CNTNAP2: variants seen among roughly 807,000 people sequenced by gnomAD.
CNTNAP2 encodes contactin-associated protein-like 2.
CNTNAP2 carries 98 observed loss-of-function variants against 155.2 expected under a neutral mutation model. That is an observed-to-expected ratio of 0.63 (90% CI 0.54 to 0.75). The LOEUF is 0.75. CNTNAP2 is among the 30% of genes least tolerant of loss of function. CNTNAP2 has a pLI of 0.00. For synonymous variants in CNTNAP2, 651 were observed against 631.2 expected, an observed-to-expected ratio of 1.03 and a Z score of -0.47; for missense variants, 1,727 against 1,688.1, an observed-to-expected ratio of 1.02 and a Z score of -0.40.
intron 13 of CNTNAP2, among the ~76,000 whole-genome samples, chr7:147,692,378 C>G (rs1192580632): frequency 2.4e-4 from 37 of 152,096 alleles, no homozygotes; most frequent in Non-Finnish European, 7.4e-5. Flanking sequence ...CCAAACAACA[C>G]TATTGCTGTA....
chr7:147,525,285 GTGTC>G, intron 11 of CNTNAP2, among the ~76,000 whole-genome samples: 1 of 152,318 alleles, frequency 6.6e-6, no homozygotes, highest in East Asian at 1.9e-4. Flanking sequence ...AATGACATGT[GTGTC>G]TGTATAACAA....
At chr7:146,129,235 T>G (rs1797680320) in intron 1 of CNTNAP2, among the ~76,000 whole-genome samples, 1 of 152,190 alleles carries the variant, frequency 6.6e-6, no homozygotes, top group South Asian at 2.1e-4. Flanking sequence ...TAGAATCATG[T>G]ATCTACTTTC....
chr7:147,246,278 G>C (rs1269753705), intron 8 of CNTNAP2, among the ~76,000 whole-genome samples: 2 of 152,032 alleles, frequency 1.3e-5, no homozygotes, highest in African/African-American at 2.4e-5. Context: ...ATATCCTCTT[G>C]CCTGGGGAGG....
rs142771103 is a variant in CNTNAP2 at position 148,221,735 on chromosome 7, C to T, written c.3247+4211C>T. Among the ~76,000 whole-genome samples, 290 of 152,282 alleles carry T rather than the reference C, an allele frequency of 1.9e-3. 3 individuals carry two copies. Among genetic ancestry groups the T allele is most frequent in the African/African-American group, 6.7e-3 (277 of 41,548 alleles). On this transcript the variant is annotated intron_variant, in intron 19 of 23. Coordinates refer to ENST00000361727, the MANE Select transcript of CNTNAP2 (RefSeq NM_014141.6). ...AGCTCTGCTCACTGTCCTCCAGAAC[C>T]AGCTGCCCCCAGCACCACCACTGCC...
At chr7:147,430,741 T>C (rs1797450895) in intron 10 of CNTNAP2, among the ~76,000 whole-genome samples, 1 of 151,948 alleles carries the variant, frequency 6.6e-6, no homozygotes, top group South Asian at 2.1e-4. Flanking sequence ...CAGAGAAACA[T>C]TCCCAGAGAA....
At chr7:146,744,549 C>A (rs772677334) in intron 1 of CNTNAP2, among the ~76,000 whole-genome samples, 6 of 152,146 alleles carry the variant, frequency 3.9e-5, no homozygotes, top group Non-Finnish European at 8.8e-5. Flanking sequence ...TTTCAAGGAG[C>A]AAATTGCTTC....
At chr7:146,828,873 T>C (rs980322873) in intron 2 of CNTNAP2, among the ~76,000 whole-genome samples, 3 of 152,112 alleles carry the variant, frequency 2.0e-5, no homozygotes, top group Non-Finnish European at 4.4e-5. Context: ...TGTTTGTTTT[T>C]ACACTCTGGC....
At chr7:147,530,231 G>A (rs1382862839) in intron 11 of CNTNAP2, among the ~76,000 whole-genome samples, 2 of 146,920 alleles carry the variant, frequency 1.4e-5, no homozygotes, top group Non-Finnish European at 3.0e-5. Context: ...TGCTGCCCAG[G>A]CTGGAGTGCA....
At chr7:147,648,268 T>A (rs1053684925) in intron 13 of CNTNAP2, among the ~76,000 whole-genome samples, 8 of 151,970 alleles carry the variant, frequency 5.3e-5, no homozygotes, top group African/African-American at 1.4e-4. Context: ...AGAATTTGCT[T>A]TGGTAAAGAA....
At chr7:146,621,368 G>A (rs1194792145) in intron 1 of CNTNAP2, among the ~76,000 whole-genome samples, 1 of 152,094 alleles carries the variant, frequency 6.6e-6, no homozygotes, top group Non-Finnish European at 1.5e-5. Flanking sequence ...TGTTCATTGA[G>A]ATTTTCTTAG....
chr7:146,256,607 T>C (rs1263110935), intron 1 of CNTNAP2, among the ~76,000 whole-genome samples: 1 of 151,788 alleles, frequency 6.6e-6, no homozygotes, highest in Admixed American at 6.6e-5. Context: ...AATAACTATA[T>C]GTTAGTATCA....
Position 147,856,306 on chromosome 7 carries a change from G to A in CNTNAP2, c.2099-47259G>A, listed in dbSNP as rs1199706230. ...CATGAGCATTTTCAGCTACTAAGGAGAACTTGAAGAAAAGAAATTGGCCAA... is the reference window on the plus strand; with the variant it reads ...CATGAGCATTTTCAGCTACTAAGGAAAACTTGAAGAAAAGAAATTGGCCAA... On this transcript the variant is annotated intron_variant, in intron 13 of 23. Transcript: ENST00000361727. 3.3e-5 allele frequency among the ~76,000 whole-genome samples: 5 copies of A among 152,132 alleles called. No individual in the cohort carries two copies. In the East Asian group the frequency reaches 9.7e-4, roughly 29 times the overall value.
chr7:146,871,813 CTA>C (rs1795314967), intron 3 of CNTNAP2, among the ~76,000 whole-genome samples: 1 of 151,860 alleles, frequency 6.6e-6, no homozygotes, highest in African/African-American at 2.4e-5. Context: ...CATTGAGAAA[CTA>C]TGCAAATCTC....
chr7:146,636,286 C>T (rs1407727562), intron 1 of CNTNAP2, among the ~76,000 whole-genome samples: 2 of 151,964 alleles, frequency 1.3e-5, no homozygotes, highest in Non-Finnish European at 2.9e-5. Flanking sequence ...GAACTGTATG[C>T]TAATCACAGT....
intron 21 of CNTNAP2, among the ~76,000 whole-genome samples, chr7:148,272,102 T>C (rs1024540330): frequency 1.2e-4 from 18 of 152,100 alleles, no homozygotes; most frequent in African/African-American, 4.3e-4. Context: ...CAAGGACAAG[T>C]GTGATCTTTA....
intron 21 of CNTNAP2, among the ~76,000 whole-genome samples, chr7:148,276,109 C>A (rs559968392): frequency 6.6e-6 from 1 of 152,258 alleles, no homozygotes; most frequent in African/African-American, 2.4e-5. Context: ...GGGACAGACC[C>A]AAGCTACTCC....
intron 20 of CNTNAP2, among the ~76,000 whole-genome samples, chr7:148,266,557 C>T (rs78051455): frequency 0.021 from 3,149 of 152,184 alleles, 67 homozygotes; most frequent in Non-Finnish European, 0.032. Flanking sequence ...TTGGGATAAC[C>T]GAGAAAACTA....
At chr7:147,194,179 G>A (rs960129347) in intron 8 of CNTNAP2, among the ~76,000 whole-genome samples, 3 of 151,874 alleles carry the variant, frequency 2.0e-5, no homozygotes, top group African/African-American at 7.3e-5. Flanking sequence ...AGAACATGCA[G>A]TATTTGGTTT....
intron 8 of CNTNAP2, among the ~76,000 whole-genome samples, chr7:147,176,995 A>G (rs990467262): frequency 7.2e-6 from 1 of 139,844 alleles, no homozygotes. Context: ...ATATAATTCT[A>G]TATCTATAAT....
Sources: allele counts gnomAD v4.1 joint callset (sites outside exome capture counted in the v4.1 genomes callset), GRCh38; gene constraint gnomAD v4.1.1; transcripts MANE v1.5; gene names NCBI Gene and HGNC (gene_info 2026-07-23, HGNC 2026-07-21).